Variants in POC1B observed in about 807,000 individuals in gnomAD.
The protein encoded by POC1B is POC1 centriolar protein B, also known as POC1 centriolar protein homolog B.
In POC1B, 44 loss-of-function variants were observed where a neutral mutation model predicts 60.6. The ratio of observed to expected loss-of-function variants is 0.73; its 90% CI spans 0.57 to 0.93. The LOEUF (loss-of-function observed/expected upper bound fraction) is 0.93. Among genes scored for constraint, POC1B ranks in the 40% least tolerant of loss-of-function variants. The probability of loss-of-function intolerance (pLI) is 0.00; values close to 1 mark genes in which losing one functional copy is unlikely to be tolerated. For missense variants in POC1B, 555 were observed against 572.3 expected, an observed-to-expected ratio of 0.97 and a Z score of 0.31; for synonymous variants, 180 against 198.9, an observed-to-expected ratio of 0.90 and a Z score of 0.80.
At chr12:89,441,631 G>A (rs188483578) in intron 10 of POC1B, among the ~76,000 whole-genome samples, 4 of 152,318 alleles carry the variant, frequency 2.6e-5, no homozygotes, top group African/African-American at 9.6e-5. Flanking sequence ...CATCATCAAA[G>A]ACCAAAGGTA....
chr12:89,522,132 G>A, intron 2 of POC1B: 2 of 398,788 alleles, frequency 5.0e-6, no homozygotes, highest in Non-Finnish European at 8.8e-6. Flanking sequence ...CATCAGTGAA[G>A]TCCAATAGCT....
chr12:89,459,973 T>A, intron 9 of POC1B: 1 of 465,024 alleles, frequency 2.2e-6, no homozygotes, highest in Non-Finnish European at 3.9e-6. Context: ...ATCAATGTAA[T>A]TTACCTAAAA....
chr12:89,522,984 C>T, intron 2 of POC1B: 1 of 1,613,976 alleles, frequency 6.2e-7, no homozygotes, highest in South Asian at 1.1e-5. Context: ...GTACAGGGAA[C>T]CCATCTTTGG....
At chr12:89,430,547 C>T (rs1880986596) in intron 10 of POC1B, among the ~76,000 whole-genome samples, 1 of 152,158 alleles carries the variant, frequency 6.6e-6, no homozygotes, top group Non-Finnish European at 1.5e-5. Context: ...AAAGTTCATA[C>T]ATTATATCTA....
chr12:89,484,965 C>T (rs758250086), intron 4 of POC1B, among the ~76,000 whole-genome samples: 7 of 152,196 alleles, frequency 4.6e-5, no homozygotes, highest in Non-Finnish European at 1.0e-4. Context: ...TTGCTTTAGT[C>T]CCAGGGCTCA....
chr12:89,499,270 T>C (rs1869420727), intron 2 of POC1B, among the ~76,000 whole-genome samples: 1 of 152,218 alleles, frequency 6.6e-6, no homozygotes, highest in South Asian at 2.1e-4. Flanking sequence ...AAATACCGTA[T>C]GTTCTCATTT....
chr12:89,416,161 G>A (rs1880360624), downstream of POC1B, among the ~76,000 whole-genome samples: 2 of 152,222 alleles, frequency 1.3e-5, no homozygotes, highest in Admixed American at 1.3e-4. Context: ...CCTGCCTTTT[G>A]GGTAGGTTAA....
chr12:89,402,368 C>G, the POC1B span, among the ~76,000 whole-genome samples: 1 of 150,634 alleles, frequency 6.6e-6, no homozygotes, highest in Admixed American at 6.6e-5. Flanking sequence ...CACACACACA[C>G]ACCCCTTTAA....
chr12:89,469,299 T>C (rs1297928235), intron 7 of POC1B, among the ~76,000 whole-genome samples: 3 of 152,156 alleles, frequency 2.0e-5, no homozygotes, highest in Non-Finnish European at 4.4e-5. Flanking sequence ...TTGATCTATA[T>C]GCCAGGGAGG....
At position 89,485,666 on chromosome 12, in the gene POC1B, A is replaced by G. The variant is rs1054427093; in HGVS notation, c.452+6270T>C. On this transcript the variant is annotated intron_variant, in intron 4 of 11. Transcript: ENST00000313546. ...GAACAAGAGTCAACCAAAATGGACAAAGAAAGCAGTGAAGCCACATAAACA... is the reference window on the plus strand; with the variant it reads ...GAACAAGAGTCAACCAAAATGGACAGAGAAAGCAGTGAAGCCACATAAACA... 1.5e-4 allele frequency among the ~76,000 whole-genome samples: 23 copies of G among 152,322 alleles called. 1 individual carries two copies. Among genetic ancestry groups the G allele is most frequent in the Admixed American group, 9.2e-4 (14 of 15,298 alleles).
downstream of POC1B, among the ~76,000 whole-genome samples, chr12:89,417,305 T>C (rs1880379964): frequency 6.6e-6 from 1 of 152,220 alleles, no homozygotes; most frequent in African/African-American, 2.4e-5. Context: ...AGGAAGACCA[T>C]ATTTAACAAA....
At chr12:89,401,947 T>C in the POC1B span, among the ~76,000 whole-genome samples, 1 of 152,108 alleles carries the variant, frequency 6.6e-6, no homozygotes, top group Admixed American at 6.6e-5. Flanking sequence ...TCCTGAGAAA[T>C]AGTTAATGTC....
chr12:89,475,821 G>C (rs139052818), intron 4 of POC1B, among the ~76,000 whole-genome samples: 1 of 151,554 alleles, frequency 6.6e-6, no homozygotes, highest in Non-Finnish European at 1.5e-5. Flanking sequence ...ATGGACATTC[G>C]AGAGTTTAAG....
intron 9 of POC1B, among the ~76,000 whole-genome samples, chr12:89,463,468 A>C (rs1882555108): frequency 6.6e-6 from 1 of 152,164 alleles, no homozygotes; most frequent in Non-Finnish European, 1.5e-5. Flanking sequence ...GGTTTTGTCT[A>C]GGGGCAGGAC....
chr12:89,465,022 G>T (rs1882633345), intron 9 of POC1B, among the ~76,000 whole-genome samples: 1 of 152,038 alleles, frequency 6.6e-6, no homozygotes, highest in African/African-American at 2.4e-5. Context: ...CAGTCACAAG[G>T]CTCAGCATTT....
chr12:89,402,100 C>T, the POC1B span, among the ~76,000 whole-genome samples: 1 of 152,196 alleles, frequency 6.6e-6, no homozygotes, highest in African/African-American at 2.4e-5. Context: ...TGTTCCACAG[C>T]AGGTGTCCAG....
At chr12:89,503,262 G>A (rs566066327) in intron 2 of POC1B, among the ~76,000 whole-genome samples, 166 of 152,258 alleles carry the variant, frequency 1.1e-3, no homozygotes, top group African/African-American at 3.8e-3. Context: ...TTGCAGGCAC[G>A]CGCCGCCACG....
chr12:89,461,781 A>G (rs1391361396), intron 9 of POC1B: 2 of 152,204 alleles, frequency 1.3e-5, no homozygotes, highest in East Asian at 3.9e-4. Flanking sequence ...GCTAGCCAAA[A>G]CCGTTATCTC....
downstream of POC1B, among the ~76,000 whole-genome samples, chr12:89,417,467 G>C (rs2120617268): frequency 1.3e-5 from 2 of 152,312 alleles, no homozygotes; most frequent in African/African-American, 4.8e-5. Context: ...CTTGCAGTTT[G>C]GCAATGTCTG....
Sources: allele counts gnomAD v4.1 joint callset (sites outside exome capture counted in the v4.1 genomes callset), GRCh38; gene constraint gnomAD v4.1.1; transcripts MANE v1.5; gene names NCBI Gene and HGNC (gene_info 2026-07-23, HGNC 2026-07-21).